The following TARBP1 variants were observed in gnomAD, a reference collection of about 807,000 sequenced individuals.
The protein encoded by TARBP1 is tRNA (guanosine(18)-2'-O)-methyltransferase TARBP1.
In TARBP1, 144 loss-of-function variants were observed where a neutral mutation model predicts 178.6. The ratio of observed to expected loss-of-function variants is 0.81; its 90% CI spans 0.70 to 0.93. The LOEUF is 0.93. Among genes scored for constraint, TARBP1 ranks in the 40% least tolerant of loss-of-function variants. The pLI, the probability that TARBP1 is intolerant of heterozygous loss-of-function variation, is 0.00. For synonymous variants in TARBP1, 787 were observed against 781.0 expected, an observed-to-expected ratio of 1.01 and a Z score of -0.13; for missense variants, 2,067 against 2,011.7, an observed-to-expected ratio of 1.03 and a Z score of -0.53.
intron 22 of TARBP1, among the ~76,000 whole-genome samples, chr1:234,417,393 G>C (rs936371133): frequency 6.6e-6 from 1 of 152,134 alleles, no homozygotes; most frequent in Non-Finnish European, 1.5e-5. Flanking sequence ...AATGGAGAAA[G>C]AGATATTTTG....
intron 2 of TARBP1, among the ~76,000 whole-genome samples, chr1:234,472,397 A>T (rs1430401140): frequency 2.0e-5 from 3 of 151,726 alleles, no homozygotes; most frequent in South Asian, 4.2e-4. Context: ...ACTGAACCAG[A>T]AAGTCTGAGG....
intron 9 of TARBP1, among the ~76,000 whole-genome samples, chr1:234,454,630 T>C (rs1256292822): frequency 1.3e-5 from 2 of 152,090 alleles, no homozygotes. Flanking sequence ...AAAATCAAAA[T>C]GAAACTGAAA....
Position 234,418,238 on chromosome 1 carries a change from G to A in TARBP1, c.3556-5C>T. 6 of 1,544,392 alleles carry A rather than the reference G, an allele frequency of 3.9e-6. No individual in the cohort carries two copies. The highest frequency in any genetic ancestry group is 5.2e-6 in the Non-Finnish European group (6 of 1,158,650). ...AATAATTCCATTCAAGAAATTCTGA[G>A]AAAAAAAGTTCACAATTAACCAGTT... On this transcript the variant is annotated splice_polypyrimidine_tract_variant and splice_region_variant and intron_variant, in intron 21 of 29. Transcript: ENST00000040877.
intron 21 of TARBP1, 116 bp from the exon 22 acceptor site, chr1:234,418,349 C>T (rs1267236449): frequency 1.7e-5 from 15 of 869,494 alleles, no homozygotes; most frequent in Non-Finnish European, 2.3e-5. Context: ...ATTGGATCTA[C>T]AACTCTCCGA....
chr1:234,470,814 C>T (rs914079694), intron 3 of TARBP1, among the ~76,000 whole-genome samples: 1 of 152,052 alleles, frequency 6.6e-6, no homozygotes, highest in Non-Finnish European at 1.5e-5. Context: ...CGGAGTTTCA[C>T]TATGTTGGCC....
At chr1:234,462,979 TAGG>T (rs1231511477) in intron 6 of TARBP1, among the ~76,000 whole-genome samples, 1 of 152,056 alleles carries the variant, frequency 6.6e-6, no homozygotes, top group Non-Finnish European at 1.5e-5. Context: ...CAAAGCAGAG[TAGG>T]TCCTGCTGCT....
chr1:234,401,343 G>A (rs1399603673), intron 24 of TARBP1, 81 bp from the exon 25 acceptor site: 5 of 1,072,648 alleles, frequency 4.7e-6, no homozygotes, highest in African/African-American at 1.6e-5. Flanking sequence ...TATCTTAAAG[G>A]GTGGCTGCAG....
At chr1:234,407,341 C>CTTTTTTTTTTTTTTTTTTTTTTT (rs543930869) in intron 23 of TARBP1, 1 of 137,058 alleles carries the variant, frequency 7.3e-6, no homozygotes, top group African/African-American at 2.7e-5. Flanking sequence ...CTTGTCCATC[C>CTTTTTTTTTTTTTTTTTTTTTTT]TTTTTTTTTT....
chr1:234,407,008 G>A (rs1661311434), intron 23 of TARBP1: 1 of 152,196 alleles, frequency 6.6e-6, no homozygotes, highest in Non-Finnish European at 1.5e-5. Context: ...GTTACTCTAA[G>A]TTTCTCTGAG....
chr1:234,393,989 T>C (rs180956273), intron 26 of TARBP1, 152 bp from the exon 27 acceptor site: 4 of 670,512 alleles, frequency 6.0e-6, no homozygotes, highest in African/African-American at 1.8e-5. Context: ...TAAAAAACTT[T>C]AGTTGGATTC....
chr1:234,427,527 T>C (rs1302191457), intron 18 of TARBP1, 49 bp downstream of exon 18: 2 of 1,526,706 alleles, frequency 1.3e-6, no homozygotes, highest in Non-Finnish European at 1.8e-6. Context: ...TATACCCAAG[T>C]AGGCACTTAA....
chr1:234,471,155 G>A (rs369878749), intron 3 of TARBP1, 33 bp downstream of exon 3: 2 of 1,483,542 alleles, frequency 1.3e-6, no homozygotes, highest in Non-Finnish European at 1.8e-6. Context: ...AACCATAAAT[G>A]TTATTAAAAA....
chr1:234,439,156 T>C (rs1166510119), intron 12 of TARBP1, among the ~76,000 whole-genome samples: 2 of 152,142 alleles, frequency 1.3e-5, no homozygotes, highest in African/African-American at 2.4e-5. Context: ...CATGATGCCA[T>C]AGGGAAATTT....
intron 28 of TARBP1, 161 bp from the exon 29 acceptor site, chr1:234,392,713 C>A (rs1042868172): frequency 1.5e-5 from 5 of 340,728 alleles, no homozygotes; most frequent in Non-Finnish European, 2.0e-5. Flanking sequence ...ACATCAATTT[C>A]TTTTTTTTTT....
At chr1:234,439,493 A>G (rs964811053) in intron 12 of TARBP1, among the ~76,000 whole-genome samples, 1 of 152,176 alleles carries the variant, frequency 6.6e-6, no homozygotes, top group Admixed American at 6.5e-5. Context: ...TGGAATACTA[A>G]ATAATGTTCA....
chr1:234,424,008 AT>A (rs1164767683), intron 20 of TARBP1, among the ~76,000 whole-genome samples: 1 of 152,172 alleles, frequency 6.6e-6, no homozygotes, highest in African/African-American at 2.4e-5. Flanking sequence ...AACCAATAAC[AT>A]ACTATTTCCT....
chr1:234,454,221 A>G (rs979307427), intron 9 of TARBP1, among the ~76,000 whole-genome samples: 5 of 152,216 alleles, frequency 3.3e-5, no homozygotes, highest in Non-Finnish European at 7.3e-5. Flanking sequence ...AGAGTCCACA[A>G]TTTTAAAGCT....
intron 10 of TARBP1, among the ~76,000 whole-genome samples, chr1:234,449,995 G>T (rs1250032064): frequency 1.3e-5 from 2 of 152,134 alleles, no homozygotes; most frequent in Admixed American, 1.3e-4. Flanking sequence ...CACAGCCTTT[G>T]TTTAAAATTG....
Position 234,429,125 on chromosome 1 carries a change from A to AAGTTAGTT in TARBP1, c.3060+3_3060+10dup. 1 of 1,552,224 alleles carries AAGTTAGTT rather than the reference A, an allele frequency of 6.4e-7. No homozygotes were observed. The highest frequency in any genetic ancestry group is 8.6e-7 in the Non-Finnish European group (1 of 1,157,964). The stretch of plus-strand genomic sequence containing the variant: ...TGAAAAGAAAAGCAAAAAGAAAAGA[A>AAGTTAGTT]AGTTAGTTACCTCTTTTATTTTGAA... On this transcript the variant is annotated intron_variant, in intron 17 of 29. Transcript: ENST00000040877.
Sources: allele counts gnomAD v4.1 joint callset (sites outside exome capture counted in the v4.1 genomes callset), GRCh38; gene constraint gnomAD v4.1.1; transcripts MANE v1.5; gene names NCBI Gene and HGNC (gene_info 2026-07-23, HGNC 2026-07-21).